The following NELL1 variants were observed in gnomAD, a reference collection of about 807,000 sequenced individuals.
NELL1 encodes neural EGFL like 1.
Under a neutral mutation model 107.4 loss-of-function variants are expected in NELL1, and 76 were observed. That is an observed-to-expected ratio of 0.71 (90% confidence interval 0.59 to 0.86). The LOEUF is 0.86. NELL1 is among the 40% of genes least tolerant of loss of function. The pLI, the probability that NELL1 is intolerant of heterozygous loss-of-function variation, is 0.00. For synonymous variants in NELL1, 353 were observed against 341.2 expected (o/e 1.03, Z -0.38); for missense variants, 1,024 against 1,005.5 (o/e 1.02, Z -0.25).
In NELL1 at chr11:21,221,499, G is replaced by A. The variant is rs545526221; in HGVS notation, c.1427-7833G>A. Among the ~76,000 whole-genome samples, 18 of 152,198 alleles carry A rather than the reference G, an allele frequency of 1.2e-4. No individual in the cohort carries two copies. In the South Asian group the frequency reaches 3.7e-3, roughly 32 times the overall value. On this transcript the variant is annotated intron_variant, in intron 13 of 19. Coordinates refer to ENST00000357134, the MANE Select transcript of NELL1 (RefSeq NM_006157.5). ...AGTTTGATAGAATTCATCAGTGAAGGCATCCATTCCCAGGGTTTTCTTTGC... is the reference window on the plus strand; with the variant it reads ...AGTTTGATAGAATTCATCAGTGAAGACATCCATTCCCAGGGTTTTCTTTGC...
intron 12 of NELL1, among the ~76,000 whole-genome samples, chr11:21,062,425 G>T (rs934585591): frequency 6.6e-6 from 1 of 152,128 alleles, no homozygotes; most frequent in East Asian, 1.9e-4. Context: ...TTCTCCCTTA[G>T]ATCTAAGCCA....
chr11:21,124,176 A>C (rs1208354214), intron 13 of NELL1, among the ~76,000 whole-genome samples: 1 of 152,178 alleles, frequency 6.6e-6, no homozygotes, highest in African/African-American at 2.4e-5. Context: ...ACCTATATAC[A>C]TATTATTATG....
chr11:21,529,564 A>G (rs924999434), intron 15 of NELL1, among the ~76,000 whole-genome samples: 1 of 152,160 alleles, frequency 6.6e-6, no homozygotes, highest in African/African-American at 2.4e-5. Flanking sequence ...TTGGTGACCA[A>G]GAGAATCTAA....
At chr11:21,168,575 T>C (rs1252330667) in intron 13 of NELL1, among the ~76,000 whole-genome samples, 1 of 151,828 alleles carries the variant, frequency 6.6e-6, no homozygotes, top group Non-Finnish European at 1.5e-5. Context: ...TGGTCCAGTT[T>C]GTCTGTTTTC....
intron 12 of NELL1, among the ~76,000 whole-genome samples, chr11:21,073,621 C>G (rs1854067557): frequency 1.3e-5 from 2 of 152,066 alleles, no homozygotes; most frequent in South Asian, 4.1e-4. Context: ...TTGGTGGGGT[C>G]TGAAGGTAAT....
intron 12 of NELL1, among the ~76,000 whole-genome samples, chr11:21,062,327 T>C (rs962340958): frequency 6.6e-6 from 1 of 152,178 alleles, no homozygotes; most frequent in Non-Finnish European, 1.5e-5. Flanking sequence ...ACTGAAAAAC[T>C]TAAAATTACA....
chr11:20,744,170 T>C (rs888578194), intron 2 of NELL1, among the ~76,000 whole-genome samples: 1 of 152,210 alleles, frequency 6.6e-6, no homozygotes, highest in Non-Finnish European at 1.5e-5. Flanking sequence ...ACTGGTATCC[T>C]GTCCTCCACT....
At chr11:20,977,749 T>A in intron 12 of NELL1, among the ~76,000 whole-genome samples, 1 of 152,242 alleles carries the variant, frequency 6.6e-6, no homozygotes, top group Non-Finnish European at 1.5e-5. Flanking sequence ...CAGCCTTGCC[T>A]GGCACATAGC....
chr11:20,998,892 A>G (rs892784982), intron 12 of NELL1, among the ~76,000 whole-genome samples: 2 of 152,182 alleles, frequency 1.3e-5, no homozygotes, highest in Non-Finnish European at 2.9e-5. Context: ...TTCTTTCTGT[A>G]AACTCAGCCT....
Position 20,730,259 on chromosome 11 carries a change from T to C in NELL1, c.184+52199T>C, listed in dbSNP as rs922447891. Among the ~76,000 whole-genome samples the C allele has an allele frequency of 2.0e-5, 3 of 152,176 alleles. No individual in the cohort carries two copies. The East Asian group carries it at 5.8e-4, about 29-fold the overall frequency. ...AATTAGCAGCTAACAGTATTGTGCT[T>C]GTCTAAGAGACACCTGTTGTATCTT... On this transcript the variant is annotated intron_variant, in intron 2 of 19. Coordinates refer to ENST00000357134, the MANE Select transcript of NELL1 (RefSeq NM_006157.5).
At chr11:20,773,971 C>T (rs970963229) in intron 2 of NELL1, among the ~76,000 whole-genome samples, 3 of 151,626 alleles carry the variant, frequency 2.0e-5, no homozygotes, top group Non-Finnish European at 4.4e-5. Flanking sequence ...CTTTTTTTCC[C>T]CTCTCTCTTT....
intron 12 of NELL1, among the ~76,000 whole-genome samples, chr11:21,098,540 T>TACCC (rs1854712482): frequency 1.3e-5 from 2 of 152,138 alleles, no homozygotes; most frequent in Non-Finnish European, 2.9e-5. Context: ...AACACCTACC[T>TACCC]GGCTCTGTCC....
intron 15 of NELL1, among the ~76,000 whole-genome samples, chr11:21,376,575 G>T (rs1213249049): frequency 6.6e-6 from 1 of 151,904 alleles, no homozygotes; most frequent in East Asian, 1.9e-4. Flanking sequence ...TTTTTTTCTG[G>T]TTCAGTGAAA....
chr11:20,975,870 T>TA, intron 12 of NELL1, among the ~76,000 whole-genome samples: 1 of 130,088 alleles, frequency 7.7e-6, no homozygotes, highest in African/African-American at 2.6e-5. Flanking sequence ...GTGTATTATA[T>TA]ATACACATAC....
rs560003980 is a variant in NELL1, at chr11:20,673,327, G to C, written c.55+3549G>C. Among the ~76,000 whole-genome samples, 11 of 152,294 alleles carry C rather than the reference G, an allele frequency of 7.2e-5. No individual in the cohort carries two copies. The South Asian group carries it at 2.3e-3, about 32-fold the overall frequency. ...AAGAAAATTGCTTTTGGGGTATTAA[G>C]GACCTTCGTAGGTGCCCAGGGGCCC... On this transcript the variant is annotated intron_variant, in intron 1 of 19. Transcript: ENST00000357134.
At chr11:21,522,062 C>G (rs1039330347) in intron 15 of NELL1, among the ~76,000 whole-genome samples, 2 of 152,060 alleles carry the variant, frequency 1.3e-5, no homozygotes, top group Admixed American at 6.6e-5. Flanking sequence ...TCTCTTCACT[C>G]TGTTGTGCCC....
intron 15 of NELL1, among the ~76,000 whole-genome samples, chr11:21,429,950 A>G: frequency 6.6e-6 from 1 of 152,212 alleles, no homozygotes; most frequent in Non-Finnish European, 1.5e-5. Flanking sequence ...AATAGCCTCT[A>G]AATATCTTAG....
At chr11:21,559,192 G>A (rs1249094929) in intron 16 of NELL1, among the ~76,000 whole-genome samples, 2 of 152,076 alleles carry the variant, frequency 1.3e-5, no homozygotes, top group African/African-American at 4.8e-5. Flanking sequence ...CTTGTGCATA[G>A]CAGGTAAACC....
intron 19 of NELL1, among the ~76,000 whole-genome samples, chr11:21,574,097 T>C (rs1857167514): frequency 1.3e-5 from 2 of 151,966 alleles, no homozygotes; most frequent in South Asian, 4.2e-4. Context: ...GGAACAATCA[T>C]TAGTTAGTGT....
Sources: gnomAD v4.1 joint callset for allele counts (sites outside exome capture counted in the v4.1 genomes callset) on GRCh38, gnomAD v4.1.1 for gene constraint, MANE v1.5 for transcripts, NCBI Gene and HGNC (gene_info 2026-07-23, HGNC 2026-07-21) for gene names.